The following KLHL29 variants were observed in gnomAD, a reference collection of about 807,000 sequenced individuals.
KLHL29 encodes kelch like family member 29.
In KLHL29, 21 loss-of-function variants were observed where a neutral mutation model predicts 80.4. The observed-to-expected ratio is 0.26, with a 90% CI of 0.19 to 0.38. KLHL29 has a LOEUF of 0.38. Ranked by LOEUF, KLHL29 falls within the 10% of genes least tolerant of loss-of-function variation. The probability of loss-of-function intolerance (pLI) is 1.00; values close to 1 mark genes in which losing one functional copy is unlikely to be tolerated. For synonymous variants in KLHL29, 511 were observed against 526.8 expected (o/e 0.97, Z 0.41); for missense variants, 867 against 1,223.9 (o/e 0.71, Z 4.35).
rs116214418 is a variant in KLHL29 at position 23,518,584 on chromosome 2, C to G, written c.-46+42917C>G. The stretch of plus-strand genomic sequence containing the variant: ...CCCAGCTGTCCCCTCCGGGAAGGCT[C>G]TGTGCACCTTCTCCATGCTGGTGTG... On this transcript the variant is annotated intron_variant, in intron 2 of 13. Coordinates refer to ENST00000486442, the MANE Select transcript of KLHL29 (RefSeq NM_052920.2). Among the ~76,000 whole-genome samples the G allele has an allele frequency of 3.0e-3, 464 of 152,310 alleles. 2 individuals carry two copies. Among genetic ancestry groups the G allele is most frequent in the African/African-American group, 0.011 (448 of 41,568 alleles).
At chr2:23,563,387 G>GT (rs1667500985) in intron 3 of KLHL29, among the ~76,000 whole-genome samples, 1 of 152,244 alleles carries the variant, frequency 6.6e-6, no homozygotes, top group Non-Finnish European at 1.5e-5. Context: ...CACCGAGCAG[G>GT]GGCTGTGCAG....
chr2:23,699,049 A>ACATAT (rs1430355267), intron 11 of KLHL29, among the ~76,000 whole-genome samples: 1 of 152,224 alleles, frequency 6.6e-6, no homozygotes, highest in African/African-American at 2.4e-5. Context: ...CATATAAGCT[A>ACATAT]CATATCATTT....
In KLHL29 at chr2:23,554,368, GGGCC is replaced by G. The variant is rs1474589744; in HGVS notation, c.-45-7777_-45-7774del. On this transcript the variant is annotated intron_variant, in intron 2 of 13. Coordinates refer to ENST00000486442, the MANE Select transcript of KLHL29 (RefSeq NM_052920.2). ...GAGGCAATCATACATTTTCTGATCG[GGGCC>G]GGCCGGGCCGAGGCTCATTCCTCAG... Among the ~76,000 whole-genome samples, 8 of 152,328 alleles carry G rather than the reference GGGCC, an allele frequency of 5.3e-5. No homozygotes were observed. The South Asian group carries it at 1.7e-3, about 32-fold the overall frequency.
At chr2:23,442,630 T>C (rs551505408) in intron 1 of KLHL29, among the ~76,000 whole-genome samples, 1 of 152,320 alleles carries the variant, frequency 6.6e-6, no homozygotes, top group East Asian at 1.9e-4. Flanking sequence ...AGTGAGACTC[T>C]TGTTAGACTG....
At chr2:23,609,027 T>G (rs1668794915) in intron 3 of KLHL29, among the ~76,000 whole-genome samples, 1 of 152,204 alleles carries the variant, frequency 6.6e-6, no homozygotes, top group Non-Finnish European at 1.5e-5. Flanking sequence ...GATTCTCCAC[T>G]GAGAGTTGAA....
At chr2:23,636,063 G>A (rs898566359) in intron 3 of KLHL29, among the ~76,000 whole-genome samples, 1 of 152,016 alleles carries the variant, frequency 6.6e-6, no homozygotes, top group African/African-American at 2.4e-5. Flanking sequence ...GCTCAGAGCT[G>A]GACCCACGGC....
At chr2:23,538,034 T>A (rs1222987913) in intron 2 of KLHL29, among the ~76,000 whole-genome samples, 2 of 152,168 alleles carry the variant, frequency 1.3e-5, no homozygotes, top group African/African-American at 4.8e-5. Flanking sequence ...CTTTGAGAAT[T>A]AGAACGAGGG....
chr2:23,607,421 A>G (rs1359134788), intron 3 of KLHL29, among the ~76,000 whole-genome samples: 2 of 152,252 alleles, frequency 1.3e-5, no homozygotes, highest in Non-Finnish European at 2.9e-5. Context: ...GGGGATGCAG[A>G]AAAGGCTGCC....
At chr2:23,568,203 A>T (rs982474029) in intron 3 of KLHL29, among the ~76,000 whole-genome samples, 3 of 152,242 alleles carry the variant, frequency 2.0e-5, no homozygotes, top group African/African-American at 7.2e-5. Flanking sequence ...GGGCAAAAAA[A>T]AAGTCCATAC....
chr2:23,687,092 C>T (rs895742121), intron 6 of KLHL29, among the ~76,000 whole-genome samples: 1 of 152,130 alleles, frequency 6.6e-6, no homozygotes, highest in African/African-American at 2.4e-5. Context: ...GTGCAGTGGC[C>T]GGATTGGCCC....
chr2:23,597,401 ATATATATTTTTTTT>A (rs1365459112), intron 3 of KLHL29, among the ~76,000 whole-genome samples: 6 of 55,292 alleles, frequency 1.1e-4, no homozygotes, highest in African/African-American at 2.0e-4. Context: ...ATATATATAT[ATATATATTTTTTTT>A]TTTTTTTTTT....
Position 23,642,613 on chromosome 2 carries a change from G to C in KLHL29, c.703G>C (p.Val235Leu), listed in dbSNP as rs565467510. The C allele has an allele frequency of 4.5e-5, 69 of 1,549,812 alleles. No homozygotes were observed. The African/African-American group carries it at 8.6e-4, about 19-fold the overall frequency. The part of the protein sequence containing the change: ...ALYASPQPLA[V>L]STLPGVGQVA... ...GTATGCCAGCCCTCAGCCCCTGGCC[G>C]TGTCCACACTGCCCGGTGTGGGGCA... The change falls in exon 5 of 14, where the codon GTG becomes CTG. Residue 235 changes from valine (V) to leucine (L), a missense_variant. Val to Leu is a conservative substitution (Grantham distance 32). Transcript: ENST00000486442.
intron 1 of KLHL29, among the ~76,000 whole-genome samples, chr2:23,428,029 T>C (rs972512064): frequency 5.9e-5 from 9 of 152,222 alleles, no homozygotes; most frequent in Non-Finnish European, 1.2e-4. Flanking sequence ...GCCATCAGCA[T>C]GCGTGAAAAC....
chr2:23,507,108 A>T (rs1212225830), intron 2 of KLHL29: 1 of 451,676 alleles, frequency 2.2e-6, no homozygotes, highest in South Asian at 1.6e-5. Context: ...CAGGCTCAAC[A>T]TCGCTGCCTG....
At chr2:23,670,044 G>T in intron 5 of KLHL29, 1 of 152,254 alleles carries the variant, frequency 6.6e-6, no homozygotes, top group Non-Finnish European at 1.5e-5. Flanking sequence ...CCAGAGCATG[G>T]GCCGTGTGCC....
At chr2:23,520,261 G>C (rs1317405112) in intron 2 of KLHL29, among the ~76,000 whole-genome samples, 1 of 152,126 alleles carries the variant, frequency 6.6e-6, no homozygotes, top group East Asian at 1.9e-4. Flanking sequence ...GGTGTTCATC[G>C]TGTTAATTCT....
chr2:23,544,956 G>A (rs1318727450), intron 2 of KLHL29, among the ~76,000 whole-genome samples: 1 of 152,208 alleles, frequency 6.6e-6, no homozygotes, highest in African/African-American at 2.4e-5. Context: ...CAGGGACTTG[G>A]GAGAGATGAT....
At chr2:23,598,500 C>A (rs1668485502) in intron 3 of KLHL29, among the ~76,000 whole-genome samples, 1 of 152,266 alleles carries the variant, frequency 6.6e-6, no homozygotes, top group African/African-American at 2.4e-5. Flanking sequence ...CCCTGCCAAT[C>A]ACGTTCCCTG....
chr2:23,545,432 C>T (rs577433174), intron 2 of KLHL29, among the ~76,000 whole-genome samples: 1 of 152,308 alleles, frequency 6.6e-6, no homozygotes, highest in East Asian at 1.9e-4. Context: ...GTCGGTGCTC[C>T]GTAAATGCTC....
Sources: gnomAD v4.1 joint callset for allele counts (sites outside exome capture counted in the v4.1 genomes callset) on GRCh38, gnomAD v4.1.1 for gene constraint, MANE v1.5 for transcripts, NCBI Gene and HGNC (gene_info 2026-07-23, HGNC 2026-07-21) for gene names.